The following TRIM33 variants were observed in gnomAD, a reference collection of about 807,000 sequenced individuals.
The protein encoded by TRIM33 is tripartite motif containing 33.
Under a neutral mutation model 125.4 loss-of-function variants are expected in TRIM33, and 20 were observed. The ratio of observed to expected loss-of-function variants is 0.16; its 90% CI spans 0.11 to 0.23. The LOEUF (loss-of-function observed/expected upper bound fraction) is 0.23. TRIM33 is among the 10% of genes least tolerant of loss of function. The pLI is 1.00. For synonymous variants in TRIM33, 564 were observed against 513.9 expected (o/e 1.10, Z -1.32); for missense variants, 920 against 1,411.4 (o/e 0.65, Z 5.58).
intron 1 of TRIM33, among the ~76,000 whole-genome samples, chr1:114,497,580 C>A (rs1011254199): frequency 6.6e-6 from 1 of 152,170 alleles, no homozygotes; most frequent in Non-Finnish European, 1.5e-5. Context: ...GGATTACAGG[C>A]GTAAGCCACC....
At chr1:114,485,732 C>T (rs1303865728) in intron 1 of TRIM33, among the ~76,000 whole-genome samples, 1 of 152,128 alleles carries the variant, frequency 6.6e-6, no homozygotes, top group Non-Finnish European at 1.5e-5. Flanking sequence ...GAACATACAC[C>T]CTACCTGGCC....
intron 13 of TRIM33, among the ~76,000 whole-genome samples, chr1:114,407,371 C>A (rs1156446276): frequency 6.6e-6 from 1 of 152,144 alleles, no homozygotes. Flanking sequence ...CACACACACA[C>A]TCCTATTTCT....
At chr1:114,486,043 G>C (rs1027515858) in intron 1 of TRIM33, among the ~76,000 whole-genome samples, 4 of 152,288 alleles carry the variant, frequency 2.6e-5, no homozygotes, top group African/African-American at 9.6e-5. Context: ...AGGAAGCTGA[G>C]GCAGGCAGAT....
chr1:114,418,300 T>C (rs1653061331), intron 11 of TRIM33, among the ~76,000 whole-genome samples: 1 of 152,014 alleles, frequency 6.6e-6, no homozygotes. Flanking sequence ...CCTCGACCAG[T>C]AGGGATTACA....
At chr1:114,463,660 T>C (rs1050762688) in intron 2 of TRIM33, 104 bp from the exon 3 acceptor site, 15 of 693,678 alleles carry the variant, frequency 2.2e-5, no homozygotes, top group Non-Finnish European at 2.6e-5. Flanking sequence ...GTACACAGAA[T>C]AAAATTATTT....
chr1:114,397,580 G>GT lies in TRIM33; in HGVS notation c.*67dup, dbSNP rs369508223. ...CCAGCAACACTTAAAAGTTTTCTGGGTTTTTTGTGTTTTTTTTTTTTTTTT... is the reference window on the plus strand; with the variant it reads ...CCAGCAACACTTAAAAGTTTTCTGGGTTTTTTTGTGTTTTTTTTTTTTTTTT... On this transcript the variant is annotated 3_prime_UTR_variant, in exon 20 of 20. Transcript: ENST00000358465. The GT allele has an allele frequency of 5.7e-4, 617 of 1,075,416 alleles. 4 individuals are homozygous for GT. The African/African-American group carries it at 0.017, about 30-fold the overall frequency. The allele number at this position is 1,075,416 out of a possible 1,614,324, so 66.6% of individuals were successfully genotyped here.
At chr1:114,503,955 G>A (rs74360029) in intron 1 of TRIM33, among the ~76,000 whole-genome samples, 9,630 of 152,184 alleles carry the variant, frequency 0.063, 325 homozygotes, top group African/African-American at 0.087. Flanking sequence ...ACTTTCTTCC[G>A]CAGCAGAAGC....
chr1:114,456,468 G>C (rs1649631799), intron 4 of TRIM33, among the ~76,000 whole-genome samples: 1 of 152,192 alleles, frequency 6.6e-6, no homozygotes, highest in African/African-American at 2.4e-5. Flanking sequence ...AAAGCCTGAA[G>C]TAGTTCCGCC....
chr1:114,393,939 A>C lies in TRIM33; in HGVS notation c.*3709T>G, dbSNP rs894164855. 1.8e-5 allele frequency: 4 copies of C among 222,036 alleles called. No homozygotes were observed. The highest frequency in any genetic ancestry group is 8.9e-5 in the African/African-American group (4 of 44,728). 13.8% of individuals were successfully genotyped at this position (222,036 alleles called of 1,614,324 possible). On this transcript the variant is annotated 3_prime_UTR_variant, in exon 20 of 20. Coordinates refer to ENST00000358465, the MANE Select transcript of TRIM33 (RefSeq NM_015906.4). The stretch of plus-strand genomic sequence containing the variant: ...AATCACCATCCAGGAGAGGATTCTG[A>C]CATGCTATTAGGCAACAGACTCAAA...
Position 114,463,400 on chromosome 1 carries a change from C to T in TRIM33, c.790+12G>A, listed in dbSNP as rs954397811. 1.6e-5 allele frequency: 26 copies of T among 1,608,596 alleles called. No individual in the cohort carries two copies. Among genetic ancestry groups the T allele is most frequent in the Non-Finnish European group, 2.2e-5 (26 of 1,176,470 alleles). On this transcript the variant is annotated intron_variant, in intron 3 of 19. Coordinates refer to ENST00000358465, the MANE Select transcript of TRIM33 (RefSeq NM_015906.4). ...TGTAATCATTGTAATGATTACAATG[C>T]ATCTATCTTACCTGAGACATCTTCT...
At chr1:114,500,036 G>A (rs375916220) in intron 1 of TRIM33, among the ~76,000 whole-genome samples, 18 of 152,046 alleles carry the variant, frequency 1.2e-4, no homozygotes, top group African/African-American at 3.9e-4. Context: ...ACATGGTGGC[G>A]GGCGCCTCTA....
At chr1:114,406,528 C>T (rs1166952824) in intron 14 of TRIM33, among the ~76,000 whole-genome samples, 1 of 152,170 alleles carries the variant, frequency 6.6e-6, no homozygotes, top group Non-Finnish European at 1.5e-5. Flanking sequence ...AACTTCCTAT[C>T]ACAAAACTCT....
In TRIM33 at chr1:114,397,607, GT is replaced by G. The variant is rs370757901; in HGVS notation, c.*40del. On this transcript the variant is annotated 3_prime_UTR_variant, in exon 20 of 20. Coordinates refer to ENST00000358465, the MANE Select transcript of TRIM33 (RefSeq NM_015906.4). ...TTTTTGTGTTTTTTTTTTTTTTTTCGTTTTTTTTTTTTTAAACAATTGATTT... is the reference window on the plus strand; with the variant it reads ...TTTTTGTGTTTTTTTTTTTTTTTTCGTTTTTTTTTTTTAAACAATTGATTT... 0.019 allele frequency: 10,764 copies of G among 554,700 alleles called. No individual in the cohort carries two copies. The highest frequency in any genetic ancestry group is 0.027 in the East Asian group (543 of 19,992). The allele number at this position is 554,700 out of a possible 1,614,324, so 34.4% of individuals were successfully genotyped here.
At chr1:114,456,919 A>G (rs1649662193) in intron 4 of TRIM33, among the ~76,000 whole-genome samples, 1 of 152,202 alleles carries the variant, frequency 6.6e-6, no homozygotes, top group African/African-American at 2.4e-5. Flanking sequence ...GTCTAACGGC[A>G]TGCCTAAATG....
chr1:114,466,949 T>C (rs1341547560), intron 1 of TRIM33, among the ~76,000 whole-genome samples: 1 of 152,184 alleles, frequency 6.6e-6, no homozygotes, highest in Non-Finnish European at 1.5e-5. Context: ...TTAGTCCTCA[T>C]AGCAGCCCTG....
At chr1:114,404,763 T>C (rs1193726874) in intron 15 of TRIM33, 1 of 151,722 alleles carries the variant, frequency 6.6e-6, no homozygotes, top group Non-Finnish European at 1.5e-5. Flanking sequence ...GAGGGCACTA[T>C]TATTCAATTA....
At chr1:114,464,764 AAGTGACCTTATC>A (rs1163592176) in intron 1 of TRIM33, among the ~76,000 whole-genome samples, 1 of 152,226 alleles carries the variant, frequency 6.6e-6, no homozygotes, top group Non-Finnish European at 1.5e-5. Flanking sequence ...AAACGTGATC[AAGTGACCTTATC>A]AGGGGGAGGA....
At chr1:114,401,060 G>A (rs575073665) in intron 17 of TRIM33, among the ~76,000 whole-genome samples, 3 of 147,122 alleles carry the variant, frequency 2.0e-5, no homozygotes, top group East Asian at 2.0e-4. Flanking sequence ...TTTTTGAGAC[G>A]GAGTCTCGCT....
chr1:114,436,463 A>C (rs1236667086), intron 4 of TRIM33, among the ~76,000 whole-genome samples: 2 of 148,514 alleles, frequency 1.3e-5, no homozygotes, highest in East Asian at 4.1e-4. Flanking sequence ...ATATTTTCAG[A>C]GAGTTTTTTT....
Sources: allele counts gnomAD v4.1 joint callset (sites outside exome capture counted in the v4.1 genomes callset), GRCh38; gene constraint gnomAD v4.1.1; transcripts MANE v1.5; gene names NCBI Gene and HGNC (gene_info 2026-07-23, HGNC 2026-07-21).